ELAVL2: variants seen among roughly 807,000 people sequenced by gnomAD.
The protein encoded by ELAVL2 is ELAV like RNA binding protein 2, also known as ELAV-like protein 2.
Under a neutral mutation model 34.6 loss-of-function variants are expected in ELAVL2, and 4 were observed. The observed-to-expected ratio is 0.12, with a 90% CI of 0.06 to 0.26. The LOEUF (loss-of-function observed/expected upper bound fraction) is 0.26, where lower values mean the gene tolerates loss of function less well. Ranked by LOEUF, ELAVL2 falls within the 10% of genes least tolerant of loss-of-function variation. The pLI, the probability that ELAVL2 is intolerant of heterozygous loss-of-function variation, is 1.00. For synonymous variants in ELAVL2, 193 were observed against 154.8 expected (o/e 1.25, Z -1.83); for missense variants, 432 against 442.8 (o/e 0.98, Z 0.22).
chr9:23,727,156 C>T (rs1487159209), intron 3 of ELAVL2, among the ~76,000 whole-genome samples: 10 of 152,064 alleles, frequency 6.6e-5, no homozygotes, highest in East Asian at 1.9e-4. Flanking sequence ...AAAATAGCTG[C>T]CTCCCATGCA....
chr9:23,768,176 T>C (rs573997255), intron 1 of ELAVL2, among the ~76,000 whole-genome samples: 23 of 152,346 alleles, frequency 1.5e-4, no homozygotes, highest in Middle Eastern at 3.4e-3. Flanking sequence ...ACAGAAATCC[T>C]GTACAACTAC....
intron 2 of ELAVL2, among the ~76,000 whole-genome samples, chr9:23,733,216 C>T (rs1454260427): frequency 3.3e-5 from 5 of 151,002 alleles, no homozygotes; most frequent in Non-Finnish European, 5.9e-5. Context: ...ACCTGATCCC[C>T]GAATCCCACT....
intron 5 of ELAVL2, among the ~76,000 whole-genome samples, chr9:23,698,903 A>G (rs762636722): frequency 2.0e-5 from 3 of 152,202 alleles, no homozygotes; most frequent in Non-Finnish European, 4.4e-5. Flanking sequence ...TAACTCGTTC[A>G]TATTTTATTA....
chr9:23,738,586 G>T (rs903749724), intron 2 of ELAVL2, among the ~76,000 whole-genome samples: 4 of 152,124 alleles, frequency 2.6e-5, no homozygotes, highest in Non-Finnish European at 5.9e-5. Context: ...ACATAATACA[G>T]AAAACAGATG....
chr9:23,696,766 A>G (rs923174356), intron 5 of ELAVL2, among the ~76,000 whole-genome samples: 1 of 152,126 alleles, frequency 6.6e-6, no homozygotes, highest in Non-Finnish European at 1.5e-5. Flanking sequence ...CACCACGCCC[A>G]GCCATCTTTT....
chr9:23,773,538 A>T (rs1340960003), intron 1 of ELAVL2, among the ~76,000 whole-genome samples: 1 of 152,196 alleles, frequency 6.6e-6, no homozygotes, highest in African/African-American at 2.4e-5. Context: ...TGAAAAATGA[A>T]GCAAGTGTAT....
intron 5 of ELAVL2, among the ~76,000 whole-genome samples, chr9:23,698,529 C>G (rs529799944): frequency 2.6e-5 from 4 of 152,140 alleles, no homozygotes; most frequent in Admixed American, 1.3e-4. Flanking sequence ...TGCTCAATCT[C>G]TCTCAACTCC....
intron 1 of ELAVL2, chr9:23,821,333 C>G (rs2138573402): frequency 6.6e-6 from 1 of 152,500 alleles, no homozygotes; most frequent in African/African-American, 2.4e-5. Context: ...TCCCGCCGCC[C>G]CCAACCTGCT....
At chr9:23,757,246 C>G (rs1256139455) in intron 2 of ELAVL2, among the ~76,000 whole-genome samples, 1 of 152,136 alleles carries the variant, frequency 6.6e-6, no homozygotes, top group Non-Finnish European at 1.5e-5. Context: ...AGAAGATGCC[C>G]TCTGGATAAC....
At chr9:23,757,098 C>A (rs1376627445) in intron 2 of ELAVL2, among the ~76,000 whole-genome samples, 1 of 152,088 alleles carries the variant, frequency 6.6e-6, no homozygotes, top group Non-Finnish European at 1.5e-5. Context: ...TTGGGTACCA[C>A]CGGGCTAGAA....
At chr9:23,764,857 T>A (rs779931634) in intron 1 of ELAVL2, among the ~76,000 whole-genome samples, 2 of 152,162 alleles carry the variant, frequency 1.3e-5, no homozygotes, top group Non-Finnish European at 2.9e-5. Context: ...TGCAATGTGC[T>A]TTAAGTCCTA....
At chr9:23,844,198 C>G in the ELAVL2 span, among the ~76,000 whole-genome samples, 1 of 152,016 alleles carries the variant, frequency 6.6e-6, no homozygotes, top group African/African-American at 2.4e-5. Context: ...TTACATATCT[C>G]TGATACCAAT....
chr9:23,729,708 C>T (rs777687874), intron 3 of ELAVL2, among the ~76,000 whole-genome samples: 1 of 151,942 alleles, frequency 6.6e-6, no homozygotes, highest in East Asian at 1.9e-4. Flanking sequence ...ATTTGGGAAC[C>T]ACTATATACT....
intron 4 of ELAVL2, among the ~76,000 whole-genome samples, chr9:23,704,363 A>T: frequency 6.6e-6 from 1 of 152,212 alleles, no homozygotes; most frequent in Non-Finnish European, 1.5e-5. Context: ...GTTTTAATGA[A>T]CATTTTAGTC....
chr9:23,839,308 T>C, the ELAVL2 span, among the ~76,000 whole-genome samples: 3 of 152,138 alleles, frequency 2.0e-5, no homozygotes, highest in Admixed American at 6.6e-5. Context: ...ATTTGTCATA[T>C]ATAGAGGACA....
At chr9:23,822,418 C>G (rs2064931699) in intron 1 of ELAVL2, among the ~76,000 whole-genome samples, 1 of 152,142 alleles carries the variant, frequency 6.6e-6, no homozygotes, top group Admixed American at 6.5e-5. Flanking sequence ...CTGCACTCGA[C>G]TATGCAAACG....
At chr9:23,725,193 C>G (rs960141784) in intron 3 of ELAVL2, among the ~76,000 whole-genome samples, 4 of 152,180 alleles carry the variant, frequency 2.6e-5, no homozygotes, top group Admixed American at 2.6e-4. Context: ...CTACTCTGCT[C>G]AAAACCCTCC....
At chr9:23,832,756 C>T in the ELAVL2 span, among the ~76,000 whole-genome samples, 1 of 152,082 alleles carries the variant, frequency 6.6e-6, no homozygotes, top group Non-Finnish European at 1.5e-5. Flanking sequence ...TTTTGTTTAA[C>T]TTCAAAAATG....
chr9:23,844,255 C>T, the ELAVL2 span, among the ~76,000 whole-genome samples: 1 of 151,982 alleles, frequency 6.6e-6, no homozygotes, highest in African/African-American at 2.4e-5. Flanking sequence ...ATCTCTTACA[C>T]AGAGTATGCA....
Sources: allele counts gnomAD v4.1 joint callset (sites outside exome capture counted in the v4.1 genomes callset), GRCh38; gene constraint gnomAD v4.1.1; transcripts MANE v1.5; gene names NCBI Gene and HGNC (gene_info 2026-07-23, HGNC 2026-07-21).